PUF60: variants seen among roughly 807,000 people sequenced by gnomAD.
PUF60 encodes poly(U) binding splicing factor 60.
A neutral mutation model predicts 61.8 loss-of-function variants in PUF60; 10 were observed. That is an observed-to-expected ratio of 0.16 (90% CI 0.10 to 0.27). The LOEUF is 0.27. Among genes scored for constraint, PUF60 ranks in the 10% least tolerant of loss-of-function variants. The probability of loss-of-function intolerance (pLI) is 1.00; values close to 1 mark genes in which losing one functional copy is unlikely to be tolerated. For missense variants in PUF60, 371 were observed against 754.0 expected (o/e 0.49, Z 5.95); for synonymous variants, 353 against 300.9 (o/e 1.17, Z -1.79).
rs1190439506 is a variant in PUF60 at position 143,824,345 on chromosome 8, C to T, written c.79G>A (p.Val27Met). ...GGTTTCCATTTGTCTCCCGCTGCCA[C>T]CACTGCCGCCGCCGCCGCCGGCTCG... Reference protein sequence around the residue: ...GSEPAAAAAVVAAGDKWKPPQ... With the variant: ...GSEPAAAAAVMAAGDKWKPPQ... Residue 27 changes from valine (V) to methionine (M), a missense_variant, in exon 2 of 12, where the codon GTG becomes ATG. By Grantham distance (21) the Val-to-Met change is conservative (BLOSUM62 1). Coordinates refer to ENST00000526683, the MANE Select transcript of PUF60 (RefSeq NM_078480.3). The T allele has an allele frequency of 6.2e-7, 1 of 1,612,546 alleles. No homozygotes were observed. Among genetic ancestry groups the T allele is most frequent in the Admixed American group, 1.7e-5 (1 of 59,992 alleles).
chr8:143,824,246 A>ACAGGCAGG, intron 2 of PUF60, 67 bp downstream of exon 2: 5 of 1,470,574 alleles, frequency 3.4e-6, no homozygotes, highest in South Asian at 2.5e-5. Flanking sequence ...CCAGGGACGC[A>ACAGGCAGG]CAGGCAGGCG....
At chr8:143,821,766 GC>G in intron 3 of PUF60, 51 bp downstream of exon 3, 1 of 1,559,172 alleles carries the variant, frequency 6.4e-7, no homozygotes. Context: ...CCCTGCCCCT[GC>G]CCCCAGTTGA....
At chr8:143,827,500 G>T in intron 1 of PUF60, 1 of 455,256 alleles carries the variant, frequency 2.2e-6, no homozygotes, top group South Asian at 1.6e-5. Context: ...GCCACTGTCA[G>T]CCAAGTTCAG....
intron 4 of PUF60, 141 bp from the exon 5 acceptor site, chr8:143,820,857 C>A (rs1044844328): frequency 3.7e-6 from 3 of 803,770 alleles, no homozygotes; most frequent in Non-Finnish European, 4.3e-6. Flanking sequence ...CTGCCGGCCG[C>A]CAGCACCTGC....
At chr8:143,823,258 T>G (rs997713137) in intron 2 of PUF60, 5 of 153,322 alleles carry the variant, frequency 3.3e-5, no homozygotes, top group African/African-American at 1.3e-4. Context: ...CGGCTCACAC[T>G]AGGCCTGTCC....
chr8:143,824,322 T>G lies in PUF60; in HGVS notation c.102A>C (p.Lys34Asn). 6.2e-7 allele frequency: 1 copy of G among 1,609,598 alleles called. No individual in the cohort carries two copies. The change falls in exon 2 of 12, where the codon AAA (lysine) becomes AAC (asparagine). Residue 34 changes from lysine to asparagine, a missense_variant. Around this residue, in one of 13 missense-constraint regions of PUF60, gnomAD observed 69 missense variants for 64.7 expected, o/e 1.07. Coordinates refer to ENST00000526683, the MANE Select transcript of PUF60 (RefSeq NM_078480.3). ...AAVVAAGDKW[K>N]PPQGTDSIKM... Reference sequence around the variant, plus strand: ...TGCTTAAGGTCAGTACCTGTGGAGGTTTCCATTTGTCTCCCGCTGCCACCA... The same window carrying G: ...TGCTTAAGGTCAGTACCTGTGGAGGGTTCCATTTGTCTCCCGCTGCCACCA...
intron 1 of PUF60, among the ~76,000 whole-genome samples, chr8:143,827,848 G>GCC (rs1416944896): frequency 1.3e-5 from 2 of 152,188 alleles, no homozygotes; most frequent in Non-Finnish European, 2.9e-5. Flanking sequence ...GCAGACCTGA[G>GCC]CCCCCATTTA....
intron 1 of PUF60, among the ~76,000 whole-genome samples, chr8:143,828,060 A>C (rs993343284): frequency 1.3e-5 from 2 of 152,104 alleles, no homozygotes; most frequent in Non-Finnish European, 2.9e-5. Flanking sequence ...AAGGTCACTT[A>C]CTCCTGTGGC....
chr8:143,821,778 C>T, intron 3 of PUF60, 40 bp downstream of exon 3: 1 of 1,567,732 alleles, frequency 6.4e-7, no homozygotes, highest in South Asian at 1.1e-5. Context: ...CCCCAGTTGA[C>T]TGTCCCACAC....
rs1816660073 is a variant in PUF60 at position 143,818,658 on chromosome 8, G to A, written c.349-124C>T. On this transcript the variant is annotated intron_variant, in intron 5 of 11. Coordinates refer to ENST00000526683, the MANE Select transcript of PUF60 (RefSeq NM_078480.3). The surrounding 1 kb of genome is among the most constrained non-coding windows in gnomAD (Gnocchi z 7.9). ...TGGGGAGGGCTCCCCACATGACAGGGAGGTGCGGGCTCCATCCCTGCAGTC... is the reference window on the plus strand; with the variant it reads ...TGGGGAGGGCTCCCCACATGACAGGAAGGTGCGGGCTCCATCCCTGCAGTC... The A allele has an allele frequency of 6.6e-6, 7 of 1,063,150 alleles. No individual in the cohort carries two copies. The African/African-American group carries it at 1.1e-4, about 17-fold the overall frequency. The allele number at this position is 1,063,150 out of a possible 1,614,324, so 65.9% of individuals were successfully genotyped here.
chr8:143,817,032 C>T lies in PUF60; in HGVS notation c.1258G>A (p.Glu420Lys). The change falls in exon 11 of 12, where the codon GAA becomes AAA. Residue 420 changes from glutamate (E) to lysine (K), a missense_variant. This residue lies in a region of PUF60 where 68 missense variants were observed against 69.4 expected (regional missense o/e 0.98). Transcript: ENST00000526683. The surrounding 1 kb of genome is among the most constrained non-coding windows in gnomAD (Gnocchi z 7.4). Reference sequence around the variant, plus strand: ...GACTCGGGAAACAGCTCCTCTTCTTCCTTCTCCTTCTTGGGCTCCAGGAGA... The same window carrying T: ...GACTCGGGAAACAGCTCCTCTTCTTTCTTCTCCTTCTTGGGCTCCAGGAGA... The part of the protein sequence containing the change: ...LGLLEPKKEK[E>K]EEELFPESER... The T allele has an allele frequency of 6.2e-7, 1 of 1,610,674 alleles. No homozygotes were observed. The highest frequency in any genetic ancestry group is 8.5e-7 in the Non-Finnish European group (1 of 1,178,758).
chr8:143,827,639 AG>A, intron 1 of PUF60: 1 of 353,470 alleles, frequency 2.8e-6, no homozygotes. Flanking sequence ...AATGATTAAA[AG>A]AGGAATGGGT....
chr8:143,828,052 G>C (rs1170878086), intron 1 of PUF60, among the ~76,000 whole-genome samples: 1 of 152,192 alleles, frequency 6.6e-6, no homozygotes, highest in Non-Finnish European at 1.5e-5. Flanking sequence ...GCCCCTCAAA[G>C]GTCACTTACT....
chr8:143,817,087 G>A lies in PUF60; in HGVS notation c.1203C>T (p.Asn401=), dbSNP rs1816409872. 2 of 1,611,368 alleles carry A rather than the reference G, an allele frequency of 1.2e-6. No individual in the cohort carries two copies. Among genetic ancestry groups the A allele is most frequent in the Non-Finnish European group, 8.5e-7 (1 of 1,179,272 alleles). The part of the protein sequence containing the change: ...PVTIPSVGVV[N]PILASPPTLG... ...GCGTTGGAGGGCTGGCCAGGATGGG[G>A]TTCACCACTCCCACCGAGGGGATGG... is the stretch of plus-strand genomic sequence containing the variant. The change falls in exon 11 of 12, where the codon AAC becomes AAT. Residue 401 remains asparagine, a synonymous_variant. Transcript: ENST00000526683. This position sits in a 1 kb window ranked among gnomAD's most constrained non-coding sequence, Gnocchi z 7.4.
chr8:143,828,999 G>T, intron 1 of PUF60: 1 of 993,662 alleles, frequency 1.0e-6, no homozygotes, highest in Non-Finnish European at 1.2e-6. Flanking sequence ...GGACAGGAAC[G>T]CAACCCCGCC....
Position 143,816,505 on chromosome 8 carries a change from G to C in PUF60, c.*15C>G. 6.3e-7 allele frequency: 1 copy of C among 1,596,484 alleles called. No individual in the cohort carries two copies. On this transcript the variant is annotated 3_prime_UTR_variant, in exon 12 of 12. Coordinates refer to ENST00000526683, the MANE Select transcript of PUF60 (RefSeq NM_078480.3). The stretch of plus-strand genomic sequence containing the variant: ...AAACAAGGAACAAGTGCAAGTCCGG[G>C]GAGAGGGACCACTGTCACGCAGAGA...
At chr8:143,822,886 C>T (rs1209712651) in intron 2 of PUF60, 1 of 317,322 alleles carries the variant, frequency 3.2e-6, no homozygotes, top group Admixed American at 4.1e-5. Context: ...CCGAGACTTC[C>T]AGACACAGCC....
chr8:143,817,529 A>G lies in PUF60; in HGVS notation c.1008+63T>C. The G allele has an allele frequency of 6.2e-7, 1 of 1,607,900 alleles. No individual in the cohort carries two copies. On this transcript the variant is annotated intron_variant, in intron 9 of 11. Coordinates refer to ENST00000526683, the MANE Select transcript of PUF60 (RefSeq NM_078480.3). The surrounding 1 kb of genome is among the most constrained non-coding windows in gnomAD (Gnocchi z 7.4). The stretch of plus-strand genomic sequence containing the variant: ...TGGCTACTCAAGACCACCTTGAATC[A>G]GTCTCCAAGGAATCAGGGGCCAGCC...
chr8:143,817,046 G>A lies in PUF60; in HGVS notation c.1244C>T (p.Pro415Leu). 6.2e-7 allele frequency: 1 copy of A among 1,611,168 alleles called. No homozygotes were observed. Among genetic ancestry groups the A allele is most frequent in the Non-Finnish European group, 8.5e-7 (1 of 1,179,062 alleles). The change falls in exon 11 of 12, where the codon CCC becomes CTC. Residue 415 changes from proline to leucine, a missense_variant. Physicochemically the swap from Pro to Leu is moderately conservative, Grantham distance 98. Transcript: ENST00000526683. The surrounding 1 kb of genome is among the most constrained non-coding windows in gnomAD (Gnocchi z 7.4). ...ASPPTLGLLE[P>L]KKEKEEEELF... ...CTCCTCTTCTTCCTTCTCCTTCTTG[G>A]GCTCCAGGAGACCCAGCGTTGGAGG...
Sources: allele counts gnomAD v4.1 joint callset (sites outside exome capture counted in the v4.1 genomes callset), GRCh38; gene constraint gnomAD v4.1.1; regional missense constraint gnomAD v4.1.1; non-coding constraint Gnocchi (gnomAD v3.1); transcripts MANE v1.5; gene names NCBI Gene and HGNC (gene_info 2026-07-23, HGNC 2026-07-21).